NUDT6: variants seen among roughly 807,000 people sequenced by gnomAD.
NUDT6 encodes the protein nudix hydrolase 6.
NUDT6 carries 24 observed loss-of-function variants against 36.8 expected under a neutral mutation model. The observed-to-expected ratio is 0.65, with a 90% confidence interval of 0.47 to 0.92. The LOEUF (loss-of-function observed/expected upper bound fraction) is 0.92, where lower values mean the gene tolerates loss of function less well. NUDT6 is among the 40% of genes least tolerant of loss of function. The probability of loss-of-function intolerance (pLI) is 0.00; values close to 1 mark genes in which losing one functional copy is unlikely to be tolerated. For missense variants in NUDT6, 388 were observed against 392.8 expected (o/e 0.99, Z 0.10); for synonymous variants, 163 against 157.0 (o/e 1.04, Z -0.29).
chr4:122,905,900 T>C (rs929411971), intron 3 of NUDT6, among the ~76,000 whole-genome samples: 3 of 152,232 alleles, frequency 2.0e-5, no homozygotes, highest in Non-Finnish European at 2.9e-5. Context: ...AGACTATTTC[T>C]GATTTTAAGT....
At chr4:122,909,411 CATG>C (rs1285800329) in intron 3 of NUDT6, among the ~76,000 whole-genome samples, 2 of 152,126 alleles carry the variant, frequency 1.3e-5, no homozygotes, top group Non-Finnish European at 2.9e-5. Context: ...GAAATTATTT[CATG>C]CAAGTATTTT....
chr4:122,904,168 C>G (rs930997347), intron 3 of NUDT6, among the ~76,000 whole-genome samples: 1 of 152,124 alleles, frequency 6.6e-6, no homozygotes, highest in Non-Finnish European at 1.5e-5. Flanking sequence ...AAGCTTTCAG[C>G]CAGGAAGGAG....
chr4:122,898,423 T>C (rs1429381250), intron 3 of NUDT6, among the ~76,000 whole-genome samples: 1 of 152,142 alleles, frequency 6.6e-6, no homozygotes, highest in African/African-American at 2.4e-5. Context: ...GTTCTATCTA[T>C]CCATCACGTG....
intron 3 of NUDT6, among the ~76,000 whole-genome samples, chr4:122,909,370 A>G (rs974007500): frequency 1.3e-5 from 2 of 152,204 alleles, no homozygotes. Context: ...GATAATAATA[A>G]GTATGATTAT....
intron 3 of NUDT6, 96 bp downstream of exon 3, chr4:122,912,472 T>C (rs928253316): frequency 4.8e-6 from 4 of 830,702 alleles, no homozygotes; most frequent in African/African-American, 3.5e-5. Flanking sequence ...AATACCTTTC[T>C]ATAACCCCTT....
intron 3 of NUDT6, among the ~76,000 whole-genome samples, chr4:122,902,759 A>T (rs1185864055): frequency 1.3e-5 from 2 of 152,168 alleles, no homozygotes; most frequent in Non-Finnish European, 2.9e-5. Flanking sequence ...TACCTAAAAT[A>T]TTGGGGTAGG....
At chr4:122,909,374 T>C (rs919963000) in intron 3 of NUDT6, among the ~76,000 whole-genome samples, 2 of 152,208 alleles carry the variant, frequency 1.3e-5, no homozygotes, top group Admixed American at 6.5e-5. Flanking sequence ...ATAATAAGTA[T>C]GATTATTAAA....
Position 122,922,351 on chromosome 4 carries a change from G to A in NUDT6, c.222C>T (p.Phe74=), listed in dbSNP as rs758856257. The change falls in exon 1 of 5, where the codon TTC becomes TTT. Residue 74 remains phenylalanine, a synonymous_variant. Coordinates refer to ENST00000304430, the MANE Select transcript of NUDT6 (RefSeq NM_007083.5). The stretch of plus-strand genomic sequence containing the variant: ...CGCACTTGCCCTGCAAGCCCTTCTG[G>A]AAGGCGGCAGCGTCCAGGCGGTCCA... ...DALDRLDAAA[F]QKGLQAAVQQ... is the part of the protein sequence containing the mutation. 194 of 1,601,804 alleles carry A rather than the reference G, an allele frequency of 1.2e-4. No homozygotes were observed. Among genetic ancestry groups the A allele is most frequent in the Non-Finnish European group, 1.5e-4 (179 of 1,178,766 alleles).
At chr4:122,901,417 C>G (rs561054337) in intron 3 of NUDT6, among the ~76,000 whole-genome samples, 18 of 152,192 alleles carry the variant, frequency 1.2e-4, no homozygotes, top group African/African-American at 4.3e-4. Context: ...GACAATTTTC[C>G]TATACATTTG....
At chr4:122,900,813 A>C (rs1385302007) in intron 3 of NUDT6, among the ~76,000 whole-genome samples, 2 of 151,992 alleles carry the variant, frequency 1.3e-5, no homozygotes, top group African/African-American at 2.4e-5. Flanking sequence ...TTTAGTGCCA[A>C]ATGTCTTTGT....
chr4:122,896,325 A>G (rs1727351585), intron 4 of NUDT6: 1 of 152,600 alleles, frequency 6.6e-6, no homozygotes, highest in Non-Finnish European at 1.5e-5. Context: ...AAGTAAGTAC[A>G]GCTGAAATTC....
chr4:122,897,318 T>C (rs1053831439), intron 4 of NUDT6: 2 of 295,664 alleles, frequency 6.8e-6, no homozygotes, highest in South Asian at 5.6e-5. Context: ...AAATAACCTT[T>C]AATGCTAAAC....
At chr4:122,903,832 C>A (rs932152928) in intron 3 of NUDT6, among the ~76,000 whole-genome samples, 5 of 152,188 alleles carry the variant, frequency 3.3e-5, no homozygotes, top group African/African-American at 1.2e-4. Context: ...GTTTTCCTAA[C>A]ATTTGTAAAA....
chr4:122,901,558 GC>G (rs1464057124), intron 3 of NUDT6, among the ~76,000 whole-genome samples: 3 of 152,106 alleles, frequency 2.0e-5, no homozygotes, highest in African/African-American at 7.2e-5. Flanking sequence ...GAAATTGCTA[GC>G]CCAAGAAATA....
At chr4:122,905,632 T>A (rs559376331) in intron 3 of NUDT6, among the ~76,000 whole-genome samples, 1 of 152,310 alleles carries the variant, frequency 6.6e-6, no homozygotes, top group East Asian at 1.9e-4. Flanking sequence ...TTCTCACCCA[T>A]GAGTCACAGA....
intron 3 of NUDT6, among the ~76,000 whole-genome samples, chr4:122,900,943 T>A (rs993843986): frequency 1.3e-5 from 2 of 152,136 alleles, no homozygotes; most frequent in Admixed American, 6.5e-5. Flanking sequence ...GGCAAAAAAA[T>A]TACTGAGGAT....
intron 4 of NUDT6, chr4:122,895,666 C>G (rs1727327656): frequency 6.6e-6 from 1 of 152,148 alleles, no homozygotes; most frequent in Admixed American, 6.5e-5. Context: ...TTATTTTATA[C>G]AAAAGCCTTG....
intron 1 of NUDT6, chr4:122,917,998 A>G: frequency 2.9e-6 from 1 of 344,302 alleles, no homozygotes. Flanking sequence ...GTAGTTTTAG[A>G]GTGGACAAAT....
chr4:122,922,027 G>C (rs1265122360), intron 1 of NUDT6: 2 of 343,774 alleles, frequency 5.8e-6, no homozygotes, highest in East Asian at 8.9e-5. Context: ...TTATCACCGG[G>C]GTCTGTGGAA....
Sources: gnomAD v4.1 joint callset for allele counts (sites outside exome capture counted in the v4.1 genomes callset) on GRCh38, gnomAD v4.1.1 for gene constraint, MANE v1.5 for transcripts, NCBI Gene and HGNC (gene_info 2026-07-23, HGNC 2026-07-21) for gene names.